Variants in KCNH4 observed in about 807,000 individuals in gnomAD.
The protein encoded by KCNH4 is potassium voltage-gated channel subfamily H member 4.
A neutral mutation model predicts 90.7 loss-of-function variants in KCNH4; 33 were observed. The observed-to-expected ratio is 0.36, with a 90% confidence interval of 0.28 to 0.49. The LOEUF (loss-of-function observed/expected upper bound fraction) is 0.49, where lower values mean the gene tolerates loss of function less well. Among genes scored for constraint, KCNH4 ranks in the 20% least tolerant of loss-of-function variants. The probability of loss-of-function intolerance (pLI) is 0.98; values close to 1 mark genes in which losing one functional copy is unlikely to be tolerated. For missense variants in KCNH4, 1,044 were observed against 1,387.1 expected (o/e 0.75, Z 3.93); for synonymous variants, 551 against 581.7 (o/e 0.95, Z 0.76).
chr17:42,169,761 A>G, intron 8 of KCNH4, 85 bp from the exon 9 acceptor site: 1 of 1,417,182 alleles, frequency 7.1e-7, no homozygotes, highest in Non-Finnish European at 9.8e-7. Context: ...TCCTGGACCA[A>G]GAGCCAGCGG....
At chr17:42,171,741 G>C in intron 7 of KCNH4, 47 bp downstream of exon 7, 1 of 1,570,380 alleles carries the variant, frequency 6.4e-7, no homozygotes. Flanking sequence ...CTTGGGGATG[G>C]GACAGGTGGA....
At chr17:42,178,708 G>A in intron 2 of KCNH4, 85 bp downstream of exon 2, 2 of 1,269,662 alleles carry the variant, frequency 1.6e-6, no homozygotes, top group South Asian at 1.3e-5. Context: ...GTGGGGACAA[G>A]CACTCAGACT....
chr17:42,175,940 A>C (rs958967087), intron 5 of KCNH4, 114 bp downstream of exon 5: 1 of 1,339,458 alleles, frequency 7.5e-7, no homozygotes, highest in Non-Finnish European at 1.0e-6. Flanking sequence ...TTAAAGATGC[A>C]GAAAGGAAGG....
At chr17:42,166,055 T>C (rs1450176469) in intron 10 of KCNH4, among the ~76,000 whole-genome samples, 1 of 151,928 alleles carries the variant, frequency 6.6e-6, no homozygotes, top group African/African-American at 2.4e-5. Flanking sequence ...AAAGGATCAA[T>C]TGAGCTGGGG....
intron 16 of KCNH4, among the ~76,000 whole-genome samples, 193 bp downstream of exon 16, chr17:42,159,538 A>G (rs2079730860): frequency 6.6e-6 from 1 of 152,088 alleles, no homozygotes; most frequent in East Asian, 1.9e-4. Context: ...TCTAGGTAAC[A>G]TTGCTCTTAA....
chr17:42,174,255 C>A (rs900744190), intron 6 of KCNH4, among the ~76,000 whole-genome samples: 4 of 152,166 alleles, frequency 2.6e-5, no homozygotes, highest in African/African-American at 9.7e-5. Flanking sequence ...AGCCTCTGTA[C>A]CTACCTCTGA....
Position 42,165,461 on chromosome 17 carries a change from G to T in KCNH4, c.2073C>A (p.Gly691=). 6.2e-7 allele frequency: 1 copy of T among 1,614,134 alleles called. No individual in the cohort carries two copies. The highest frequency in any genetic ancestry group is 2.2e-5 in the East Asian group (1 of 44,874). Residue 691 remains glycine, a synonymous_variant, in exon 11 of 17, where the codon GGC becomes GGA. Transcript: ENST00000264661. The part of the protein sequence containing the change: ...PRDLTFNLRQ[G]SDTSGLSRFS... ...GGGGTGTACATACACTGGTGTCAGA[G>T]CCCTGGCGCAGGTTGAAGGTGAGGT...
intron 6 of KCNH4, among the ~76,000 whole-genome samples, chr17:42,174,347 C>A (rs970340291): frequency 6.6e-6 from 1 of 152,264 alleles, no homozygotes; most frequent in African/African-American, 2.4e-5. Flanking sequence ...GGAACTGTAA[C>A]GTGCTCCCAA....
intron 9 of KCNH4, among the ~76,000 whole-genome samples, chr17:42,166,939 A>G (rs1269730982): frequency 1.3e-5 from 2 of 152,102 alleles, no homozygotes; most frequent in African/African-American, 2.4e-5. Flanking sequence ...CCCAGTCTGT[A>G]TCTCAGTCTG....
chr17:42,175,464 T>G lies in KCNH4; in HGVS notation c.987+115A>C, dbSNP rs2079854421. On this transcript the variant is annotated intron_variant, in intron 6 of 16. Coordinates refer to ENST00000264661, the MANE Select transcript of KCNH4 (RefSeq NM_012285.3). ...GCCCAGAGCAGGTGCCTGATAAATA[T>G]CTGCAGATGGATTGATGGGAAGGGG... 4 of 1,189,750 alleles carry G rather than the reference T, an allele frequency of 3.4e-6. No individual in the cohort carries two copies. The South Asian group carries it at 5.3e-5, about 16-fold the overall frequency. The allele number at this position is 1,189,750 out of a possible 1,614,324, so 73.7% of individuals were successfully genotyped here.
chr17:42,166,486 T>G lies in KCNH4; in HGVS notation c.1651A>C (p.Ile551Leu). 1 of 1,613,948 alleles carries G rather than the reference T, an allele frequency of 6.2e-7. No homozygotes were observed. Among genetic ancestry groups the G allele is most frequent in the Non-Finnish European group, 8.5e-7 (1 of 1,179,926 alleles). The stretch of plus-strand genomic sequence containing the variant: ...GCCCCGAACAACGGCAGCTGCAGGA[T>G]CTCCCGATTCAGGTGCATAGCAATG... ...ADIAMHLNREILQLPLFGAAS... is the reference protein window; with the variant it reads ...ADIAMHLNRELLQLPLFGAAS... The change falls in exon 10 of 17, where the codon ATC becomes CTC. Residue 551 changes from isoleucine (I) to leucine (L), a missense_variant. Physicochemically the swap from Ile to Leu is conservative, Grantham distance 5. This residue lies in a region of KCNH4 where 318 missense variants were observed against 479.6 expected (regional missense o/e 0.66). Coordinates refer to ENST00000264661, the MANE Select transcript of KCNH4 (RefSeq NM_012285.3).
intron 14 of KCNH4, among the ~76,000 whole-genome samples, chr17:42,162,588 C>G (rs2079756623): frequency 6.6e-6 from 1 of 151,654 alleles, no homozygotes; most frequent in Non-Finnish European, 1.5e-5. Flanking sequence ...TGCCTTTCAA[C>G]AATTGTTTTT....
intron 10 of KCNH4, 128 bp downstream of exon 10, chr17:42,166,169 C>A: frequency 8.3e-7 from 1 of 1,210,476 alleles, no homozygotes. Context: ...GAGAGTACTC[C>A]TCAGCAGGAA....
Position 42,178,317 on chromosome 17 carries a change from G to A in KCNH4, c.457+14C>T, listed in dbSNP as rs779957776. The A allele has an allele frequency of 1.3e-5, 21 of 1,614,076 alleles. No homozygotes were observed. Among genetic ancestry groups the A allele is most frequent in the African/African-American group, 2.7e-5 (2 of 74,954 alleles). On this transcript the variant is annotated intron_variant, in intron 3 of 16. Transcript: ENST00000264661. Reference sequence around the variant, plus strand: ...TTCTGACCATTCACACTGCCCGTCCGGACTTGCTGTTACCGTGATTACTGT... The same window carrying A: ...TTCTGACCATTCACACTGCCCGTCCAGACTTGCTGTTACCGTGATTACTGT...
intron 9 of KCNH4, among the ~76,000 whole-genome samples, chr17:42,167,407 C>T (rs2079795754): frequency 6.6e-6 from 1 of 152,200 alleles, no homozygotes; most frequent in African/African-American, 2.4e-5. Context: ...GGTGGGATTA[C>T]AAGCACGCAC....
Position 42,169,618 on chromosome 17 carries a change from C to T in KCNH4, c.1449G>A (p.Ser483=). 1.2e-6 allele frequency: 2 copies of T among 1,613,994 alleles called. No homozygotes were observed. The highest frequency in any genetic ancestry group is 1.7e-6 in the Non-Finnish European group (2 of 1,179,992). ...TGCGGCTGTGGTAGAGCGAGCGGCG[C>T]GAGTACATGCGCTGGATGATGGCTG... ...NVTAIIQRMY[S]RRSLYHSRMK... Residue 483 remains serine (S), a synonymous_variant, in exon 9 of 17, where the codon TCG becomes TCA. Transcript: ENST00000264661.
chr17:42,159,479 GA>G (rs1378906855), intron 16 of KCNH4, among the ~76,000 whole-genome samples: 1 of 152,174 alleles, frequency 6.6e-6, no homozygotes, highest in Non-Finnish European at 1.5e-5. Context: ...GGCGGCCTAA[GA>G]AATCATGGGT....
chr17:42,180,984 C>G lies in KCNH4; in HGVS notation c.-39G>C, dbSNP rs1034362579. ...GGGTTCAAGGCGCGGCGCTGGGGAGCTTTCAGCGCGGCCGGGCCGGAGGGG... is the reference window on the plus strand; with the variant it reads ...GGGTTCAAGGCGCGGCGCTGGGGAGGTTTCAGCGCGGCCGGGCCGGAGGGG... On this transcript the variant is annotated 5_prime_UTR_variant, in exon 1 of 17. Transcript: ENST00000264661. The surrounding 1 kb of genome is among the most constrained non-coding windows in gnomAD (Gnocchi z 4.7). 1.3e-6 allele frequency: 2 copies of G among 1,588,138 alleles called. No individual in the cohort carries two copies. Among genetic ancestry groups the G allele is most frequent in the African/African-American group, 1.4e-5 (1 of 72,944 alleles).
intron 6 of KCNH4, among the ~76,000 whole-genome samples, chr17:42,172,387 T>C (rs1326303877): frequency 6.6e-6 from 1 of 151,806 alleles, no homozygotes; most frequent in Non-Finnish European, 1.5e-5. Flanking sequence ...TTGGCCAGGA[T>C]GGTCTCGATC....
Sources: gnomAD v4.1 joint callset for allele counts (sites outside exome capture counted in the v4.1 genomes callset) on GRCh38, gnomAD v4.1.1 for gene constraint, gnomAD v4.1.1 regional missense constraint, Gnocchi (gnomAD v3.1) non-coding constraint, MANE v1.5 for transcripts, NCBI Gene and HGNC (gene_info 2026-07-23, HGNC 2026-07-21) for gene names.